The following ZMYM2 variants were observed in gnomAD, a reference collection of about 807,000 sequenced individuals.
ZMYM2 encodes the protein zinc finger MYM-type protein 2.
A neutral mutation model predicts 162.8 loss-of-function variants in ZMYM2; 56 were observed. That is an observed-to-expected ratio of 0.34 (90% CI 0.28 to 0.43). The LOEUF is 0.43. ZMYM2 is among the 20% of genes least tolerant of loss of function. ZMYM2 has a pLI of 1.00. For missense variants in ZMYM2, 1,275 were observed against 1,621.8 expected, an observed-to-expected ratio of 0.79 and a Z score of 3.67; for synonymous variants, 510 against 541.6, an observed-to-expected ratio of 0.94 and a Z score of 0.81.
intron 2 of ZMYM2, among the ~76,000 whole-genome samples, chr13:19,962,968 G>A (rs1254873441): frequency 6.6e-6 from 1 of 151,714 alleles, no homozygotes; most frequent in Non-Finnish European, 1.5e-5. Flanking sequence ...CTACAGGCAC[G>A]TGCCACTACA....
intron 2 of ZMYM2, chr13:19,970,063 G>T (rs1486488253): frequency 1.0e-6 from 1 of 985,200 alleles, no homozygotes; most frequent in Non-Finnish European, 1.2e-6. Flanking sequence ...TTGAAGTCAC[G>T]TAAAGAAGGT....
intron 2 of ZMYM2, among the ~76,000 whole-genome samples, chr13:19,966,120 T>G (rs1173153177): frequency 2.7e-5 from 4 of 147,848 alleles, no homozygotes; most frequent in African/African-American, 7.7e-5. Context: ...GCTTGTTTTT[T>G]TTTTTGTTTT....
intron 10 of ZMYM2, 28 bp downstream of exon 10, chr13:20,031,463 T>A: frequency 2.1e-6 from 3 of 1,396,080 alleles, no homozygotes; most frequent in Non-Finnish European, 2.9e-6. Context: ...ATGTGTGTTA[T>A]CTAATGCTAA....
At chr13:19,962,970 G>A (rs937082368) in intron 2 of ZMYM2, among the ~76,000 whole-genome samples, 1 of 151,834 alleles carries the variant, frequency 6.6e-6, no homozygotes, top group African/African-American at 2.4e-5. Context: ...ACAGGCACGT[G>A]CCACTACACC....
At chr13:19,920,460 A>G in the ZMYM2 span, among the ~76,000 whole-genome samples, 1 of 151,656 alleles carries the variant, frequency 6.6e-6, no homozygotes, top group Non-Finnish European at 1.5e-5. Context: ...AGAGTTTTGT[A>G]TCACTCAATT....
the ZMYM2 span, among the ~76,000 whole-genome samples, chr13:19,911,213 T>C: frequency 2.0e-5 from 3 of 151,996 alleles, no homozygotes; most frequent in Admixed American, 6.6e-5. Flanking sequence ...TGCACCACCA[T>C]GCTTGGCTAA....
At chr13:20,059,219 A>T (rs1956046340) in intron 15 of ZMYM2, among the ~76,000 whole-genome samples, 1 of 141,482 alleles carries the variant, frequency 7.1e-6, no homozygotes, top group South Asian at 2.2e-4. Context: ...TTTCTTTCTT[A>T]AAAAAAAAAA....
At chr13:19,917,327 G>T in the ZMYM2 span, among the ~76,000 whole-genome samples, 1 of 152,006 alleles carries the variant, frequency 6.6e-6, no homozygotes, top group Non-Finnish European at 1.5e-5. Flanking sequence ...AGTGGCTCAC[G>T]CCTGTAATCC....
At chr13:20,007,158 G>A (rs1014807888) in intron 6 of ZMYM2, among the ~76,000 whole-genome samples, 3 of 151,440 alleles carry the variant, frequency 2.0e-5, no homozygotes, top group Non-Finnish European at 4.4e-5. Flanking sequence ...TTTTTGAGAC[G>A]GAGTTTTGCT....
the ZMYM2 span, among the ~76,000 whole-genome samples, chr13:19,934,130 G>T: frequency 6.6e-6 from 1 of 151,988 alleles, no homozygotes; most frequent in Non-Finnish European, 1.5e-5. Context: ...TTTTATGGTA[G>T]TTGTCTTTAG....
chr13:19,926,252 C>T, the ZMYM2 span, among the ~76,000 whole-genome samples: 3 of 151,388 alleles, frequency 2.0e-5, no homozygotes, highest in South Asian at 2.1e-4. Flanking sequence ...TGAGTCACTG[C>T]GCCTGACCAA....
intron 21 of ZMYM2, among the ~76,000 whole-genome samples, chr13:20,069,674 A>G (rs753824599): frequency 3.9e-5 from 6 of 152,062 alleles, no homozygotes; most frequent in African/African-American, 1.4e-4. Flanking sequence ...ATAGACTCCA[A>G]TTGATAATGT....
rs1272945790 is a variant in ZMYM2 at position 20,019,635 on chromosome 13, A to G, written c.1584+17A>G. 3.8e-6 allele frequency: 6 copies of G among 1,578,308 alleles called. No homozygotes were observed. Among genetic ancestry groups the G allele is most frequent in the Non-Finnish European group, 5.2e-6 (6 of 1,160,806 alleles). ...CAGCCTGAGGTAAGCAGGAATGTAA[A>G]TGGAGTTCAAGGCCTTAACATTTTT... is the stretch of plus-strand genomic sequence containing the variant. On this transcript the variant is annotated intron_variant, in intron 7 of 24. Transcript: ENST00000610343.
chr13:20,018,898 G>A (rs1951834222), intron 6 of ZMYM2, among the ~76,000 whole-genome samples: 2 of 152,026 alleles, frequency 1.3e-5, no homozygotes, highest in South Asian at 2.1e-4. Flanking sequence ...TGGCCAACAT[G>A]GTGAAACCCT....
the ZMYM2 span, among the ~76,000 whole-genome samples, chr13:19,944,680 T>A: frequency 6.6e-6 from 1 of 152,154 alleles, no homozygotes; most frequent in Non-Finnish European, 1.5e-5. Context: ...GTCCTATTTA[T>A]TTATTTAGAG....
the ZMYM2 span, among the ~76,000 whole-genome samples, chr13:19,869,886 T>C: frequency 6.6e-6 from 1 of 152,210 alleles, no homozygotes. Flanking sequence ...AATAGTCTAT[T>C]ACTGCCTAAC....
intron 13 of ZMYM2, among the ~76,000 whole-genome samples, chr13:20,051,848 C>T (rs779506495): frequency 6.6e-6 from 1 of 152,152 alleles, no homozygotes; most frequent in Non-Finnish European, 1.5e-5. Flanking sequence ...AGAAGCTAAA[C>T]AGTGCTATAA....
chr13:20,009,847 G>A (rs532454646), intron 6 of ZMYM2, among the ~76,000 whole-genome samples: 1 of 152,222 alleles, frequency 6.6e-6, no homozygotes, highest in South Asian at 2.1e-4. Flanking sequence ...TGCCACCTTT[G>A]ACTATTGTGA....
intron 2 of ZMYM2, among the ~76,000 whole-genome samples, chr13:19,961,991 AAT>A (rs1024474679): frequency 1.0e-3 from 158 of 152,308 alleles, no homozygotes; most frequent in African/African-American, 3.7e-3. Context: ...CATCCTTTCT[AAT>A]ATCTGTTCCC....
Sources: allele counts gnomAD v4.1 joint callset (sites outside exome capture counted in the v4.1 genomes callset), GRCh38; gene constraint gnomAD v4.1.1; transcripts MANE v1.5; gene names NCBI Gene and HGNC (gene_info 2026-07-23, HGNC 2026-07-21).